The following GRAP2 variants were observed in gnomAD, a reference collection of about 807,000 sequenced individuals.
GRAP2 encodes the protein GRB2-related adapter protein 2.
Under a neutral mutation model 43.5 loss-of-function variants are expected in GRAP2, and 31 were observed. The observed-to-expected ratio is 0.71, with a 90% CI of 0.54 to 0.96. The LOEUF (loss-of-function observed/expected upper bound fraction) is 0.96, where lower values mean the gene tolerates loss of function less well. Among genes scored for constraint, GRAP2 ranks in the 40% least tolerant of loss-of-function variants. The pLI, the probability that GRAP2 is intolerant of heterozygous loss-of-function variation, is 0.00. For synonymous variants in GRAP2, 156 were observed against 164.8 expected (o/e 0.95, Z 0.41); for missense variants, 371 against 424.4 (o/e 0.87, Z 1.11).
At chr22:39,964,775 G>A (rs2067155850) in intron 4 of GRAP2, 1 of 435,164 alleles carries the variant, frequency 2.3e-6, no homozygotes, top group African/African-American at 2.1e-5. Flanking sequence ...TTTTCACTAA[G>A]TCATTCCTAC....
intron 1 of GRAP2, among the ~76,000 whole-genome samples, chr22:39,917,408 G>A (rs764543411): frequency 1.1e-4 from 16 of 152,086 alleles, no homozygotes; most frequent in Admixed American, 3.9e-4. Flanking sequence ...GATGCTTCTC[G>A]TTCTCAGACA....
intron 1 of GRAP2, among the ~76,000 whole-genome samples, chr22:39,918,386 A>G (rs374250845): frequency 1.3e-5 from 2 of 152,062 alleles, no homozygotes; most frequent in African/African-American, 4.8e-5. Flanking sequence ...AGACGTCCAT[A>G]TTGGGCCCTA....
chr22:39,963,078 T>C (rs947507098), intron 4 of GRAP2, among the ~76,000 whole-genome samples: 4 of 152,226 alleles, frequency 2.6e-5, no homozygotes, highest in African/African-American at 4.8e-5. Context: ...CTTCTAGTTA[T>C]GGTGACAATT....
At chr22:39,924,968 G>C (rs1279165941) in intron 1 of GRAP2, among the ~76,000 whole-genome samples, 1 of 152,198 alleles carries the variant, frequency 6.6e-6, no homozygotes, top group South Asian at 2.1e-4. Flanking sequence ...ACTTGAATTT[G>C]AGCTGGACCT....
chr22:39,907,305 A>G (rs949041413), intron 1 of GRAP2, among the ~76,000 whole-genome samples: 4 of 152,182 alleles, frequency 2.6e-5, no homozygotes, highest in African/African-American at 7.2e-5. Flanking sequence ...AAAAAAACCA[A>G]CGATGCCTAG....
chr22:39,912,584 A>G (rs2066574801), intron 1 of GRAP2, among the ~76,000 whole-genome samples: 1 of 152,146 alleles, frequency 6.6e-6, no homozygotes, highest in South Asian at 2.1e-4. Context: ...AGAATCCTAC[A>G]ATGCACAGGA....
intron 1 of GRAP2, among the ~76,000 whole-genome samples, chr22:39,942,142 A>T (rs1286238232): frequency 6.6e-6 from 1 of 152,114 alleles, no homozygotes; most frequent in Non-Finnish European, 1.5e-5. Context: ...ATTTACAAAT[A>T]CTCTATTCAT....
chr22:39,956,749 G>A (rs1294223609), intron 3 of GRAP2, among the ~76,000 whole-genome samples: 3 of 152,220 alleles, frequency 2.0e-5, no homozygotes, highest in African/African-American at 7.2e-5. Flanking sequence ...GATTACAGGT[G>A]TGAGCCACTG....
intron 1 of GRAP2, among the ~76,000 whole-genome samples, chr22:39,910,189 C>T (rs137965): frequency 0.65 from 99,176 of 151,960 alleles, 34,007 homozygotes; most frequent in African/African-American, 0.88. Flanking sequence ...GGACTCAGAA[C>T]GGAGCAACGC....
chr22:39,939,299 G>A (rs933378738), intron 1 of GRAP2, among the ~76,000 whole-genome samples: 7 of 152,160 alleles, frequency 4.6e-5, no homozygotes, highest in South Asian at 2.1e-4. Context: ...GCGGTGGCTC[G>A]CGCCTGTAAT....
At chr22:39,918,831 A>G (rs1176573370) in intron 1 of GRAP2, among the ~76,000 whole-genome samples, 1 of 152,250 alleles carries the variant, frequency 6.6e-6, no homozygotes, top group Non-Finnish European at 1.5e-5. Context: ...CCTACTATGC[A>G]CAAAGTCTGA....
intron 2 of GRAP2, among the ~76,000 whole-genome samples, chr22:39,953,109 T>C (rs1215507742): frequency 6.6e-6 from 1 of 152,180 alleles, no homozygotes; most frequent in Non-Finnish European, 1.5e-5. Flanking sequence ...CATCTTCTTT[T>C]CTGGGAGAAA....
In GRAP2 at chr22:39,946,845, G is replaced by A. The variant is rs182079808; in HGVS notation, c.-14-248G>A. On this transcript the variant is annotated intron_variant, in intron 1 of 7. Coordinates refer to ENST00000344138, the MANE Select transcript of GRAP2 (RefSeq NM_004810.4). ...GATGAAAGGAGAAGGGAAAGGCTGC[G>A]GATGGCCTTCATTTCCTGCTCCTGG... 7.6e-4 allele frequency: 318 copies of A among 420,058 alleles called. 4 individuals carry two copies. The highest frequency in any genetic ancestry group is 4.3e-3 in the African/African-American group (216 of 49,968). 26.0% of individuals were successfully genotyped at this position (420,058 alleles called of 1,614,324 possible).
chr22:39,949,343 T>A (rs994378641), intron 2 of GRAP2, among the ~76,000 whole-genome samples: 4 of 152,128 alleles, frequency 2.6e-5, no homozygotes, highest in African/African-American at 9.7e-5. Flanking sequence ...CAGGCATGAT[T>A]TCATCATCTC....
At chr22:39,909,731 TGAG>T (rs1318292100) in intron 1 of GRAP2, among the ~76,000 whole-genome samples, 1 of 152,002 alleles carries the variant, frequency 6.6e-6, no homozygotes, top group Non-Finnish European at 1.5e-5. Flanking sequence ...GCAAAACTGA[TGAG>T]GAGATTAAAA....
At position 39,964,304 on chromosome 22, in the gene GRAP2, G is replaced by T. The variant is rs1005688034; in HGVS notation, c.291-1686G>T. ...TCCCATCACTTGTGAGTCCAGACTG[G>T]CAACAAAAGGTGCTGATCTAAAAGA... is the stretch of plus-strand genomic sequence containing the variant. On this transcript the variant is annotated intron_variant, in intron 4 of 7. Coordinates refer to ENST00000344138, the MANE Select transcript of GRAP2 (RefSeq NM_004810.4). 31 of 674,686 alleles carry T rather than the reference G, an allele frequency of 4.6e-5. No individual in the cohort carries two copies. In the African/African-American group the frequency reaches 4.7e-4, roughly 10 times the overall value. The allele number at this position is 674,686 out of a possible 1,614,324, so 41.8% of individuals were successfully genotyped here.
In GRAP2 at chr22:39,901,091, A is replaced by T. The variant is rs575709267; in HGVS notation, c.-254A>T. 2.1e-5 allele frequency: 8 copies of T among 380,126 alleles called. No homozygotes were observed. The highest frequency in any genetic ancestry group is 4.2e-5 in the Non-Finnish European group (8 of 191,026). 23.5% of individuals were successfully genotyped at this position (380,126 alleles called of 1,614,324 possible). ...CCTGTGTGGTTTGCCTACAGACTGC[A>T]GGGCTGACTAGGGTTAGTTTGGAGG... On this transcript the variant is annotated 5_prime_UTR_variant, in exon 1 of 8. Coordinates refer to ENST00000344138, the MANE Select transcript of GRAP2 (RefSeq NM_004810.4).
intron 1 of GRAP2, among the ~76,000 whole-genome samples, chr22:39,944,790 A>G (rs1369020937): frequency 6.6e-6 from 1 of 152,258 alleles, no homozygotes; most frequent in Non-Finnish European, 1.5e-5. Flanking sequence ...TCAAGGTCTT[A>G]TCTAGAGCTT....
At chr22:39,918,677 T>A (rs1181200293) in intron 1 of GRAP2, among the ~76,000 whole-genome samples, 1 of 152,192 alleles carries the variant, frequency 6.6e-6, no homozygotes, top group Non-Finnish European at 1.5e-5. Context: ...TTTATCTAAA[T>A]CATGAAAACT....
Sources: gnomAD v4.1 joint callset for allele counts (sites outside exome capture counted in the v4.1 genomes callset) on GRCh38, gnomAD v4.1.1 for gene constraint, MANE v1.5 for transcripts, NCBI Gene and HGNC (gene_info 2026-07-23, HGNC 2026-07-21) for gene names.